Variants in NIPA1 observed in about 807,000 individuals in gnomAD.
NIPA1 encodes the protein magnesium transporter NIPA1.
In NIPA1, 13 loss-of-function variants were observed where a neutral mutation model predicts 23.9. That is an observed-to-expected ratio of 0.54 (90% CI 0.35 to 0.87). The LOEUF is 0.87. NIPA1 is among the 40% of genes least tolerant of loss of function. The pLI, the probability that NIPA1 is intolerant of heterozygous loss-of-function variation, is 0.01. For missense variants in NIPA1, 362 were observed against 429.7 expected, an observed-to-expected ratio of 0.84 and a Z score of 1.39; for synonymous variants, 234 against 202.9, an observed-to-expected ratio of 1.15 and a Z score of -1.30.
At chr15:22,807,320 A>G (rs1895229817) in intron 1 of NIPA1, among the ~76,000 whole-genome samples, 2 of 152,210 alleles carry the variant, frequency 1.3e-5, no homozygotes, top group Admixed American at 6.5e-5. Flanking sequence ...TGCACTGGTC[A>G]CTGTCATCCT....
chr15:22,813,950 T>G, intron 3 of NIPA1: 1 of 428,106 alleles, frequency 2.3e-6, no homozygotes, highest in Non-Finnish European at 4.8e-6. Context: ...CCTGACCTGG[T>G]GATCTTGGCA....
rs1483040603 is a variant in NIPA1, at chr15:22,813,331, A to T, written c.317+1078A>T. The stretch of plus-strand genomic sequence containing the variant: ...TAATTTTATTTCTCCATTTTAAATC[A>T]TCTTTTTAATTGATACACATGAGTA... On this transcript the variant is annotated intron_variant, in intron 3 of 4. Coordinates refer to ENST00000337435, the MANE Select transcript of NIPA1 (RefSeq NM_144599.5). Among the ~76,000 whole-genome samples the T allele has an allele frequency of 4.6e-5, 7 of 152,080 alleles. No homozygotes were observed. The South Asian group carries it at 1.5e-3, about 32-fold the overall frequency.
chr15:22,789,217 G>GA (rs1894778007), intron 1 of NIPA1, among the ~76,000 whole-genome samples: 1 of 152,056 alleles, frequency 6.6e-6, no homozygotes, highest in Non-Finnish European at 1.5e-5. Context: ...CCGAACTCCA[G>GA]ACCTCAGGTG....
At chr15:22,806,139 G>T (rs1895206535) in intron 1 of NIPA1, among the ~76,000 whole-genome samples, 1 of 152,166 alleles carries the variant, frequency 6.6e-6, no homozygotes. Flanking sequence ...TAGCCAGGAT[G>T]GTCTTGATCT....
At position 22,820,318 on chromosome 15, in the gene NIPA1, T is replaced by G; in HGVS notation, c.323T>G (p.Ile108Ser). Residue 108 changes from isoleucine to serine, a missense_variant, in exon 4 of 5, where the codon ATT becomes AGT. By Grantham distance (142) the Ile-to-Ser change is moderately radical (BLOSUM62 -2). Transcript: ENST00000337435. ...TTTCTCTTTTTTCAATAAAGGTCCA[T>G]TTTAGCTTCCTATCTCCTGAAGGAA... ...LGALGVPFGS[I>S]LASYLLKEKL... 6.2e-7 allele frequency: 1 copy of G among 1,609,636 alleles called. No individual in the cohort carries two copies. The highest frequency in any genetic ancestry group is 8.5e-7 in the Non-Finnish European group (1 of 1,175,878).
intron 1 of NIPA1, among the ~76,000 whole-genome samples, 193 bp from the exon 2 acceptor site, chr15:22,810,556 C>T (rs1023570485): frequency 2.0e-5 from 3 of 151,904 alleles, no homozygotes; most frequent in Admixed American, 6.6e-5. Flanking sequence ...AATATCTTGA[C>T]TTTGCCACTT....
chr15:22,817,984 G>T (rs1469277581), intron 3 of NIPA1, among the ~76,000 whole-genome samples: 1 of 152,146 alleles, frequency 6.6e-6, no homozygotes, highest in Non-Finnish European at 1.5e-5. Flanking sequence ...GCCCAGGCAG[G>T]TGGATCACGA....
At chr15:22,801,582 C>G (rs1389764235) in intron 1 of NIPA1, among the ~76,000 whole-genome samples, 1 of 143,018 alleles carries the variant, frequency 7.0e-6, no homozygotes, top group Non-Finnish European at 1.5e-5. Context: ...GTGGCATGAT[C>G]TCGGCTCACT....
intron 1 of NIPA1, among the ~76,000 whole-genome samples, chr15:22,799,945 A>C (rs1895037490): frequency 5.6e-5 from 2 of 35,842 alleles, no homozygotes; most frequent in East Asian, 4.9e-4. Flanking sequence ...CCCTGTCTCA[A>C]AAAAAAAAAA....
intron 1 of NIPA1, among the ~76,000 whole-genome samples, chr15:22,809,342 G>A (rs977665164): frequency 9.9e-5 from 15 of 152,034 alleles, no homozygotes; most frequent in African/African-American, 2.9e-4. Context: ...AGCTGAGATC[G>A]TGCCACTGCA....
At position 22,790,962 on chromosome 15, in the gene NIPA1, T is replaced by C. The variant is rs75491570; in HGVS notation, c.178+4128T>C. Among the ~76,000 whole-genome samples, 1,440 of 152,220 alleles carry C rather than the reference T, an allele frequency of 9.5e-3. 22 individuals carry two copies. The highest frequency in any genetic ancestry group is 0.033 in the African/African-American group (1,358 of 41,544). On this transcript the variant is annotated intron_variant, in intron 1 of 4. Coordinates refer to ENST00000337435, the MANE Select transcript of NIPA1 (RefSeq NM_144599.5). ...TGGAAAAAGTTGTGTCTTACTGAAA[T>C]TTTAAGCTTTAAAAATTTTTTAAAT...
At position 22,827,347 on chromosome 15, in the gene NIPA1, C is replaced by T. The variant is rs1895673007; in HGVS notation, c.*3108C>T. The T allele has an allele frequency of 6.6e-6, 1 of 152,116 alleles. No individual in the cohort carries two copies. 9.4% of individuals were successfully genotyped at this position (152,116 alleles called of 1,614,324 possible). ...TAACCCTAACCCAGCACCACAAAGC[C>T]CCCCTGGAGCATCTTCCCGGCTGGC... On this transcript the variant is annotated 3_prime_UTR_variant, in exon 5 of 5. Coordinates refer to ENST00000337435, the MANE Select transcript of NIPA1 (RefSeq NM_144599.5).
chr15:22,800,168 CACA>C (rs1166584320), intron 1 of NIPA1, among the ~76,000 whole-genome samples: 19 of 151,800 alleles, frequency 1.3e-4, no homozygotes, highest in Admixed American at 3.3e-4. Flanking sequence ...ATTACTCAAC[CACA>C]ACAACAACAA....
chr15:22,804,523 C>T (rs977118687), intron 1 of NIPA1, among the ~76,000 whole-genome samples: 1 of 152,128 alleles, frequency 6.6e-6, no homozygotes, highest in African/African-American at 2.4e-5. Context: ...CCTGAGAAAT[C>T]TTTGTCTCTC....
At chr15:22,803,503 C>CTTT (rs35223839) in intron 1 of NIPA1, among the ~76,000 whole-genome samples, 764 of 69,390 alleles carry the variant, frequency 0.011, 40 homozygotes, top group East Asian at 0.041. Context: ...TTAAAAGTGC[C>CTTT]TTTTTTTTTT....
chr15:22,809,438 C>T (rs542319794), intron 1 of NIPA1, among the ~76,000 whole-genome samples: 3 of 151,950 alleles, frequency 2.0e-5, no homozygotes, highest in Non-Finnish European at 2.9e-5. Context: ...TGGTTAACAA[C>T]AAAAAATCTC....
intron 1 of NIPA1, among the ~76,000 whole-genome samples, chr15:22,787,348 C>T (rs939648786): frequency 6.6e-6 from 1 of 152,184 alleles, no homozygotes; most frequent in African/African-American, 2.4e-5. Flanking sequence ...TCCAGTCCCC[C>T]GCAGGGGCCT....
At chr15:22,809,514 G>A (rs1895277307) in intron 1 of NIPA1, among the ~76,000 whole-genome samples, 1 of 152,140 alleles carries the variant, frequency 6.6e-6, no homozygotes, top group South Asian at 2.1e-4. Flanking sequence ...GGAGTCTGAG[G>A]CAGGCGGATC....
chr15:22,794,561 T>C (rs6606829), intron 1 of NIPA1, among the ~76,000 whole-genome samples: 105,455 of 151,898 alleles, frequency 0.69, 37,258 homozygotes, highest in East Asian at 0.91. Flanking sequence ...AGACTCCTCC[T>C]TGAGAGGAGT....
Sources: allele counts gnomAD v4.1 joint callset (sites outside exome capture counted in the v4.1 genomes callset), GRCh38; gene constraint gnomAD v4.1.1; transcripts MANE v1.5; gene names NCBI Gene and HGNC (gene_info 2026-07-23, HGNC 2026-07-21).